ZNF385C: variants seen among roughly 807,000 people sequenced by gnomAD.
ZNF385C encodes zinc finger protein 385C.
A neutral mutation model predicts 35.4 loss-of-function variants in ZNF385C; 28 were observed. The ratio of observed to expected loss-of-function variants is 0.79; its 90% CI spans 0.59 to 1.08. The LOEUF (loss-of-function observed/expected upper bound fraction) is 1.08, where lower values mean the gene tolerates loss of function less well. Among genes scored for constraint, ZNF385C ranks in the 50% least tolerant of loss-of-function variants. The pLI is 0.00. For synonymous variants in ZNF385C, 248 were observed against 248.2 expected (o/e 1.00, Z 0.01); for missense variants, 605 against 595.6 (o/e 1.02, Z -0.16).
rs962660490 is a variant in ZNF385C at position 42,039,852 on chromosome 17, C to T, written c.251-1967G>A. On this transcript the variant is annotated intron_variant, in intron 2 of 8. Coordinates refer to ENST00000692273, the MANE Select transcript of ZNF385C (RefSeq NM_001392013.1). ...CCCGGCCTTCCCCGGCCCCACTCTG[C>T]CCCCACCACCGCAGCTCCCGGCTGC... The T allele has an allele frequency of 3.2e-6, 4 of 1,231,608 alleles. No individual in the cohort carries two copies. The African/African-American group carries it at 4.7e-5, about 14-fold the overall frequency. 76.3% of individuals were successfully genotyped at this position (1,231,608 alleles called of 1,614,324 possible).
chr17:42,096,146 A>G (rs2053915087), intron 1 of ZNF385C, among the ~76,000 whole-genome samples: 1 of 152,082 alleles, frequency 6.6e-6, no homozygotes, highest in African/African-American at 2.4e-5. Context: ...ACTCTTGTGC[A>G]TGTATAAGGA....
At chr17:42,037,947 A>G in intron 2 of ZNF385C, 62 bp from the exon 3 acceptor site, 2 of 1,545,554 alleles carry the variant, frequency 1.3e-6, no homozygotes, top group Non-Finnish European at 1.7e-6. Flanking sequence ...GGCCAGAACA[A>G]GAGGCGGGTG....
At chr17:42,035,942 G>T (rs112371774) in intron 3 of ZNF385C, among the ~76,000 whole-genome samples, 5 of 152,006 alleles carry the variant, frequency 3.3e-5, no homozygotes, top group East Asian at 1.9e-4. Flanking sequence ...GAGGCCTAAG[G>T]TTCCCCAAGG....
In ZNF385C at chr17:42,037,722, C is replaced by T; in HGVS notation, c.399+15G>A. The T allele has an allele frequency of 6.6e-7, 1 of 1,506,696 alleles. No homozygotes were observed. Among genetic ancestry groups the T allele is most frequent in the South Asian group, 1.3e-5 (1 of 77,578 alleles). The allele number at this position is 1,506,696 out of a possible 1,614,324, so 93.3% of individuals were successfully genotyped here. ...AGCTTGTGTGCATGCCCCCACCCGC[C>T]AGCCCAGCCCATACCGTGCTGAAGT... On this transcript the variant is annotated intron_variant, in intron 3 of 8. Transcript: ENST00000692273.
Position 42,034,254 on chromosome 17 carries a change from T to C in ZNF385C, c.481A>G (p.Asn161Asp), listed in dbSNP as rs1438190344. 3.2e-6 allele frequency: 5 copies of C among 1,550,530 alleles called. No homozygotes were observed. In the Admixed American group the frequency reaches 9.8e-5, roughly 30 times the overall value. ...GAGTTGAACCTCAGGTGACAGATGT[T>C]ACAGGAAATGAACAGCTTCTTCTTC... Reference protein sequence around the residue: ...PLKKKLFISCNICHLRFNSAN... With the variant: ...PLKKKLFISCDICHLRFNSAN... Residue 161 changes from asparagine (N) to aspartate (D), a missense_variant, in exon 4 of 9, where the codon AAC (asparagine) becomes GAC (aspartate). Asn to Asp is a conservative substitution (Grantham distance 23). Coordinates refer to ENST00000692273, the MANE Select transcript of ZNF385C (RefSeq NM_001392013.1).
At chr17:42,074,467 C>G (rs1435531475) in intron 1 of ZNF385C, among the ~76,000 whole-genome samples, 1 of 151,774 alleles carries the variant, frequency 6.6e-6, no homozygotes, top group Non-Finnish European at 1.5e-5. Context: ...TCTTGGCTCA[C>G]TGCAACCTCC....
At chr17:42,059,325 A>G (rs2053426563) in intron 2 of ZNF385C, among the ~76,000 whole-genome samples, 1 of 152,222 alleles carries the variant, frequency 6.6e-6, no homozygotes, top group Non-Finnish European at 1.5e-5. Flanking sequence ...GCTCAGTGGT[A>G]CTGCCCAGCA....
At chr17:42,071,263 G>C (rs965601322) in intron 1 of ZNF385C, among the ~76,000 whole-genome samples, 14 of 152,174 alleles carry the variant, frequency 9.2e-5, no homozygotes, top group African/African-American at 3.4e-4. Context: ...GGGGCCTTCT[G>C]GGTGCTGGAG....
intron 1 of ZNF385C, among the ~76,000 whole-genome samples, chr17:42,074,476 C>CCATCT (rs1363446407): frequency 2.6e-5 from 4 of 151,848 alleles, no homozygotes; most frequent in African/African-American, 9.7e-5. Flanking sequence ...ACTGCAACCT[C>CCATCT]CATCTCCCAG....
intron 2 of ZNF385C, chr17:42,040,055 C>T (rs951461234): frequency 8.9e-6 from 11 of 1,231,008 alleles, no homozygotes; most frequent in African/African-American, 3.1e-5. Context: ...AGCGCGAAGT[C>T]GCCCAGCGCC....
In ZNF385C at chr17:42,058,711, A is replaced by G. The variant is rs544390941; in HGVS notation, c.250+4096T>C. ...GTCTCTATCGCCCAGGCTAGAGCGC[A>G]GTGGCGTGATCTCAGCTCACTGCAA... On this transcript the variant is annotated intron_variant, in intron 2 of 8. Transcript: ENST00000692273. Among the ~76,000 whole-genome samples, 7 of 152,280 alleles carry G rather than the reference A, an allele frequency of 4.6e-5. No homozygotes were observed. In the East Asian group the frequency reaches 1.4e-3, roughly 29 times the overall value.
chr17:42,028,035 C>G lies in ZNF385C; in HGVS notation c.1164+15G>C. The G allele has an allele frequency of 6.2e-7, 1 of 1,613,282 alleles. No homozygotes were observed. The highest frequency in any genetic ancestry group is 8.5e-7 in the Non-Finnish European group (1 of 1,179,588). On this transcript the variant is annotated intron_variant, in intron 7 of 8. Coordinates refer to ENST00000692273, the MANE Select transcript of ZNF385C (RefSeq NM_001392013.1). ...CCCCTGGCTCCAACCCCAGTCACAG[C>G]CTCACTTCTCCCACCTGCTTCAGTT...
intron 2 of ZNF385C, chr17:42,041,117 A>G (rs2053009273): frequency 8.1e-7 from 1 of 1,232,290 alleles, no homozygotes; most frequent in Non-Finnish European, 1.0e-6. Flanking sequence ...GTCTCGTCCA[A>G]CACCAGCCCC....
chr17:42,034,218 G>A lies in ZNF385C; in HGVS notation c.510+7C>T, dbSNP rs1555655193. The A allele has an allele frequency of 6.5e-7, 1 of 1,549,058 alleles. No homozygotes were observed. ...TCCCCAGACCTGCTTTCACTACTTTGTCTCACCGCTGAGTTGAACCTCAGG... is the reference window on the plus strand; with the variant it reads ...TCCCCAGACCTGCTTTCACTACTTTATCTCACCGCTGAGTTGAACCTCAGG... On this transcript the variant is annotated splice_region_variant and intron_variant, in intron 4 of 8. Coordinates refer to ENST00000692273, the MANE Select transcript of ZNF385C (RefSeq NM_001392013.1).
intron 1 of ZNF385C, among the ~76,000 whole-genome samples, chr17:42,084,685 A>C (rs185619620): frequency 6.6e-6 from 1 of 152,234 alleles, no homozygotes; most frequent in Non-Finnish European, 1.5e-5. Context: ...ATCACGGCTC[A>C]CTGCAGCCTC....
chr17:42,041,183 TG>T, intron 2 of ZNF385C: 1 of 1,232,450 alleles, frequency 8.1e-7, no homozygotes, highest in Non-Finnish European at 1.0e-6. Flanking sequence ...ACACTGGCAA[TG>T]GCCACCTGGG....
chr17:42,055,210 A>T (rs868942860), intron 2 of ZNF385C, among the ~76,000 whole-genome samples: 1 of 152,204 alleles, frequency 6.6e-6, no homozygotes, highest in African/African-American at 2.4e-5. Context: ...GCAGCTCCTG[A>T]AAACAGGTTT....
At chr17:42,070,785 G>C (rs2053613571) in intron 1 of ZNF385C, among the ~76,000 whole-genome samples, 1 of 152,168 alleles carries the variant, frequency 6.6e-6, no homozygotes, top group Admixed American at 6.5e-5. Context: ...AGAAGCACCT[G>C]GAAGAAGAGA....
At chr17:42,092,175 G>A (rs904735683) in intron 1 of ZNF385C, among the ~76,000 whole-genome samples, 1 of 152,142 alleles carries the variant, frequency 6.6e-6, no homozygotes, top group Non-Finnish European at 1.5e-5. Flanking sequence ...CGAGGTGGGT[G>A]GATCACCTGA....
Sources: allele counts gnomAD v4.1 joint callset (sites outside exome capture counted in the v4.1 genomes callset), GRCh38; gene constraint gnomAD v4.1.1; transcripts MANE v1.5; gene names NCBI Gene and HGNC (gene_info 2026-07-23, HGNC 2026-07-21).